Variants in LGR6 observed in about 807,000 individuals in gnomAD.
LGR6 encodes the protein leucine-rich repeat-containing G protein-coupled receptor 6.
In LGR6, 45 loss-of-function variants were observed where a neutral mutation model predicts 69.4. That is an observed-to-expected ratio of 0.65 (90% CI 0.51 to 0.83). LGR6 has a LOEUF of 0.83. Among genes scored for constraint, LGR6 ranks in the 40% least tolerant of loss-of-function variants. The pLI is 0.00. For missense variants in LGR6, 1,108 were observed against 1,246.7 expected (o/e 0.89, Z 1.68); for synonymous variants, 538 against 555.0 (o/e 0.97, Z 0.43).
chr1:202,269,862 C>T (rs1445040548), intron 4 of LGR6, among the ~76,000 whole-genome samples: 1 of 152,200 alleles, frequency 6.6e-6, no homozygotes, highest in Non-Finnish European at 1.5e-5. Flanking sequence ...AGCCTGCACT[C>T]AGGGAGCGGG....
chr1:202,200,952 G>T (rs989251447), intron 1 of LGR6, among the ~76,000 whole-genome samples: 3 of 152,202 alleles, frequency 2.0e-5, no homozygotes, highest in Admixed American at 6.5e-5. Context: ...GCTACTTAAG[G>T]CACCTCCAGA....
At chr1:202,312,995 G>C (rs1312316761) in intron 16 of LGR6, among the ~76,000 whole-genome samples, 1 of 152,188 alleles carries the variant, frequency 6.6e-6, no homozygotes, top group East Asian at 1.9e-4. Context: ...TTGGGAGGCC[G>C]AGGCAGGCGG....
rs533848012 is a variant in LGR6 at position 202,264,733 on chromosome 1, C to G, written c.429-11573C>G. Among the ~76,000 whole-genome samples the G allele has an allele frequency of 3.3e-4, 50 of 152,316 alleles. 1 individual carries two copies. The highest frequency in any genetic ancestry group is 1.1e-3 in the African/African-American group (47 of 41,566). ...CACAGAGGCACTTCCCTGTCTCCCT[C>G]CTGGAGGGTGGGTAATTATTTTTAT... is the stretch of plus-strand genomic sequence containing the variant. On this transcript the variant is annotated intron_variant, in intron 4 of 17. Transcript: ENST00000367278.
At chr1:202,291,000 C>T (rs565310610) in intron 6 of LGR6, among the ~76,000 whole-genome samples, 7 of 152,316 alleles carry the variant, frequency 4.6e-5, no homozygotes, top group African/African-American at 1.7e-4. Flanking sequence ...CATTTCTGCA[C>T]AGCCTGATGG....
Position 202,268,236 on chromosome 1 carries a change from C to T in LGR6, c.429-8070C>T, listed in dbSNP as rs1664821961. Among the ~76,000 whole-genome samples, 1 of 152,228 alleles carries T rather than the reference C, an allele frequency of 6.6e-6. No individual in the cohort carries two copies. The highest frequency in any genetic ancestry group is 1.5e-5 in the Non-Finnish European group (1 of 68,032). ...GTGGCCCTCCGTGCAGAAGCTGGCA[C>T]CTGGCACTGGCGGCTGGTGCTGGTG... On this transcript the variant is annotated intron_variant, in intron 4 of 17. Coordinates refer to ENST00000367278, the MANE Select transcript of LGR6 (RefSeq NM_001017403.2). This position sits in a 1 kb window ranked among gnomAD's most constrained non-coding sequence, Gnocchi z 4.4.
rs527757193 is a variant in LGR6 at position 202,306,543 on chromosome 1, G to A, written c.1137-325G>A. Among the ~76,000 whole-genome samples the A allele has an allele frequency of 1.3e-5, 2 of 152,320 alleles. 1 individual carries two copies. The highest frequency in any genetic ancestry group is 4.2e-4 in the South Asian group (2 of 4,818). On this transcript the variant is annotated intron_variant, in intron 12 of 17. Coordinates refer to ENST00000367278, the MANE Select transcript of LGR6 (RefSeq NM_001017403.2). ...GGGTTGGGCGGTGCTCTGCTTCTGGGCTAGGGTCTGGAGGACCCATGGTGA... is the reference window on the plus strand; with the variant it reads ...GGGTTGGGCGGTGCTCTGCTTCTGGACTAGGGTCTGGAGGACCCATGGTGA...
At chr1:202,250,772 A>G (rs1285566239) in intron 4 of LGR6, among the ~76,000 whole-genome samples, 1 of 152,178 alleles carries the variant, frequency 6.6e-6, no homozygotes, top group African/African-American at 2.4e-5. Flanking sequence ...GTAGGCACTG[A>G]GTGATCTTTG....
At chr1:202,272,706 A>C (rs945751644) in intron 4 of LGR6, among the ~76,000 whole-genome samples, 1 of 152,248 alleles carries the variant, frequency 6.6e-6, no homozygotes, top group South Asian at 2.1e-4. Context: ...AAAATGCAGG[A>C]GATGGACTAA....
At chr1:202,224,933 A>G (rs879674168) in intron 1 of LGR6, among the ~76,000 whole-genome samples, 5 of 152,250 alleles carry the variant, frequency 3.3e-5, no homozygotes, top group Non-Finnish European at 5.9e-5. Context: ...GGACAGTCGT[A>G]CCAGTTCATG....
chr1:202,225,710 TTCC>T (rs4024094), intron 2 of LGR6, among the ~76,000 whole-genome samples: 46,600 of 151,854 alleles, frequency 0.31, 8,133 homozygotes, highest in Non-Finnish European at 0.4. Context: ...CTAGCTTTCA[TTCC>T]TCTTTGAAAC....
At position 202,297,851 on chromosome 1, in the gene LGR6, C is replaced by A. The variant is rs145164200; in HGVS notation, c.785+275C>A. Among the ~76,000 whole-genome samples the A allele has an allele frequency of 5.3e-3, 805 of 152,330 alleles. 7 individuals are homozygous for A. Among genetic ancestry groups the A allele is most frequent in the South Asian group, 0.019 (91 of 4,830 alleles). ...AGCCTGGGAAAACCCATGGCACAAG[C>A]CACCTACTATTAGCCTGGGCCTGGC... On this transcript the variant is annotated intron_variant, in intron 7 of 17. Coordinates refer to ENST00000367278, the MANE Select transcript of LGR6 (RefSeq NM_001017403.2).
At chr1:202,200,187 G>A (rs1012813862) in intron 1 of LGR6, among the ~76,000 whole-genome samples, 5 of 152,248 alleles carry the variant, frequency 3.3e-5, no homozygotes, top group Non-Finnish European at 4.4e-5. Context: ...TCTCCCAGGG[G>A]ATGCCCGGAG....
chr1:202,204,638 T>C (rs1490106426), intron 1 of LGR6, among the ~76,000 whole-genome samples: 46 of 3,244 alleles, frequency 0.014, no homozygotes, highest in East Asian at 0.022. Flanking sequence ...CACACACACC[T>C]CCAAACACAC....
At chr1:202,212,407 G>C (rs1343102228) in intron 1 of LGR6, among the ~76,000 whole-genome samples, 6 of 152,174 alleles carry the variant, frequency 3.9e-5, no homozygotes, top group African/African-American at 1.4e-4. Flanking sequence ...GTTTCCAGTG[G>C]CTGCCGTGAC....
At chr1:202,283,890 C>A (rs1326332764) in intron 6 of LGR6, among the ~76,000 whole-genome samples, 1 of 152,246 alleles carries the variant, frequency 6.6e-6, no homozygotes, top group Admixed American at 6.5e-5. Flanking sequence ...TGGCTTCCAA[C>A]CCTGGCTTTG....
chr1:202,214,502 C>A (rs962106871), intron 1 of LGR6, among the ~76,000 whole-genome samples: 3 of 151,850 alleles, frequency 2.0e-5, no homozygotes, highest in African/African-American at 7.2e-5. Flanking sequence ...GGTCCCCGCC[C>A]CCGGGGCCGC....
chr1:202,296,843 T>C (rs1408549679), intron 6 of LGR6, among the ~76,000 whole-genome samples: 1 of 152,258 alleles, frequency 6.6e-6, no homozygotes, highest in Non-Finnish European at 1.5e-5. Context: ...TAAAGGGTTG[T>C]ACACATTTAA....
At chr1:202,286,860 A>C (rs1172550079) in intron 6 of LGR6, among the ~76,000 whole-genome samples, 2 of 152,168 alleles carry the variant, frequency 1.3e-5, no homozygotes, top group African/African-American at 2.4e-5. Flanking sequence ...TCTTCCCAGC[A>C]CAACATTCCT....
chr1:202,216,568 T>A (rs1659797142), intron 1 of LGR6, among the ~76,000 whole-genome samples: 1 of 152,220 alleles, frequency 6.6e-6, no homozygotes, highest in Non-Finnish European at 1.5e-5. Flanking sequence ...TTAAATATAG[T>A]CACAAGCGGC....
Sources: allele counts gnomAD v4.1 joint callset (sites outside exome capture counted in the v4.1 genomes callset), GRCh38; gene constraint gnomAD v4.1.1; non-coding constraint Gnocchi (gnomAD v3.1); transcripts MANE v1.5; gene names NCBI Gene and HGNC (gene_info 2026-07-23, HGNC 2026-07-21).